Variants in RASAL2 observed in about 807,000 individuals in gnomAD.
RASAL2 encodes RAS protein activator like 2.
RASAL2 carries 58 observed loss-of-function variants against 128.9 expected under a neutral mutation model. That is an observed-to-expected ratio of 0.45 (90% CI 0.36 to 0.56). The LOEUF (loss-of-function observed/expected upper bound fraction) is 0.56. Ranked by LOEUF, RASAL2 falls within the 20% of genes least tolerant of loss-of-function variation. The probability of loss-of-function intolerance (pLI) is 0.00; values close to 1 mark genes in which losing one functional copy is unlikely to be tolerated. For synonymous variants in RASAL2, 561 were observed against 580.8 expected (o/e 0.97, Z 0.49); for missense variants, 1,360 against 1,601.6 (o/e 0.85, Z 2.57).
chr1:178,233,152 G>A (rs1021032113), intron 1 of RASAL2, among the ~76,000 whole-genome samples: 6 of 152,160 alleles, frequency 3.9e-5, no homozygotes, highest in African/African-American at 1.4e-4. Flanking sequence ...CATCTGCTGT[G>A]GTTCAAAGCC....
chr1:178,438,486 C>G (rs542740015), intron 5 of RASAL2, among the ~76,000 whole-genome samples: 1 of 151,936 alleles, frequency 6.6e-6, no homozygotes, highest in East Asian at 2.0e-4. Context: ...TCAATAGATA[C>G]TATAATTATT....
intron 3 of RASAL2, among the ~76,000 whole-genome samples, chr1:178,382,240 A>AT (rs1467867384): frequency 2.0e-5 from 3 of 151,958 alleles, no homozygotes; most frequent in Non-Finnish European, 4.4e-5. Flanking sequence ...TTTTGTTCAC[A>AT]TTTTTTCACC....
chr1:178,203,552 C>A (rs1027222350), intron 1 of RASAL2, among the ~76,000 whole-genome samples: 2 of 152,146 alleles, frequency 1.3e-5, no homozygotes, highest in Admixed American at 6.5e-5. Context: ...TCCACTAGCA[C>A]AATTTTTGCT....
chr1:178,264,155 G>A (rs1342143427), intron 1 of RASAL2, among the ~76,000 whole-genome samples: 3 of 152,124 alleles, frequency 2.0e-5, no homozygotes, highest in African/African-American at 7.2e-5. Flanking sequence ...TTAAAGCAGT[G>A]GATGTACATA....
intron 3 of RASAL2, among the ~76,000 whole-genome samples, chr1:178,319,199 C>G (rs1184009227): frequency 6.6e-6 from 1 of 152,022 alleles, no homozygotes; most frequent in African/African-American, 2.4e-5. Context: ...GAGGGTAACC[C>G]AACCTTTTTC....
chr1:178,100,364 A>G (rs1040023195), intron 1 of RASAL2, among the ~76,000 whole-genome samples: 8 of 146,166 alleles, frequency 5.5e-5, no homozygotes, highest in African/African-American at 2.0e-4. Context: ...ATAAATACAA[A>G]AAAAAAAAAA....
chr1:178,372,216 T>C, intron 3 of RASAL2: 5 of 985,364 alleles, frequency 5.1e-6, no homozygotes, highest in Non-Finnish European at 6.0e-6. Flanking sequence ...TTGTGCTCTG[T>C]ATGGAAAAGT....
chr1:178,456,469 A>G (rs541211890), intron 12 of RASAL2: 1 of 573,862 alleles, frequency 1.7e-6, no homozygotes, highest in East Asian at 2.9e-5. Context: ...TTTTACTTGC[A>G]TAATCCTGAT....
At chr1:178,110,944 GTTT>G (rs1227243070) in intron 1 of RASAL2, among the ~76,000 whole-genome samples, 1 of 151,618 alleles carries the variant, frequency 6.6e-6, no homozygotes, top group Non-Finnish European at 1.5e-5. Flanking sequence ...TTATAGTTGT[GTTT>G]TTTTCTTTTT....
intron 1 of RASAL2, among the ~76,000 whole-genome samples, chr1:178,252,045 T>C (rs1337403773): frequency 6.6e-6 from 1 of 152,144 alleles, no homozygotes; most frequent in Non-Finnish European, 1.5e-5. Context: ...AATTATGTTA[T>C]TTAAGAGAAT....
intron 1 of RASAL2, among the ~76,000 whole-genome samples, chr1:178,131,407 G>GAC (rs1282713543): frequency 9.2e-6 from 1 of 108,122 alleles, no homozygotes; most frequent in Non-Finnish European, 1.9e-5. Context: ...TTTTTGTGGA[G>GAC]ACAGGGTACG....
At chr1:178,448,567 T>G (rs538390446) in intron 9 of RASAL2, among the ~76,000 whole-genome samples, 1 of 152,286 alleles carries the variant, frequency 6.6e-6, no homozygotes, top group South Asian at 2.1e-4. Flanking sequence ...ACAAAGAGGT[T>G]TATAGTGTCA....
At chr1:178,180,975 A>C (rs1037856153) in intron 1 of RASAL2, among the ~76,000 whole-genome samples, 2 of 152,190 alleles carry the variant, frequency 1.3e-5, no homozygotes, top group Non-Finnish European at 2.9e-5. Context: ...ACCTAATGAC[A>C]TAATGCTATT....
At chr1:178,116,837 C>A (rs1659536696) in intron 1 of RASAL2, among the ~76,000 whole-genome samples, 1 of 152,108 alleles carries the variant, frequency 6.6e-6, no homozygotes, top group African/African-American at 2.4e-5. Context: ...ACCTTGATCT[C>A]CTGACCTCGT....
intron 3 of RASAL2, among the ~76,000 whole-genome samples, chr1:178,379,587 A>G (rs999183012): frequency 6.6e-6 from 1 of 152,214 alleles, no homozygotes. Flanking sequence ...TCAGTTTTTC[A>G]TAGCAAGTGA....
chr1:178,101,253 A>G (rs1383431356), intron 1 of RASAL2, among the ~76,000 whole-genome samples: 1 of 152,226 alleles, frequency 6.6e-6, no homozygotes, highest in East Asian at 1.9e-4. Context: ...TTGCTAGACT[A>G]TGATACAGAA....
rs775630955 is a variant in RASAL2 at position 178,439,491 on chromosome 1, G to A, written c.744G>A (p.Val248=). The A allele has an allele frequency of 1.9e-6, 3 of 1,612,724 alleles. No individual in the cohort carries two copies. The South Asian group carries it at 3.3e-5, about 18-fold the overall frequency. The change falls in exon 6 of 18, where the codon GTG becomes GTA. Residue 248 remains valine (V), a synonymous_variant. Coordinates refer to ENST00000367649, the MANE Select transcript of RASAL2 (RefSeq NM_170692.4). ...CCTTGCTGAGCCCATGCAGCACAGTGGAATGTCTGGATCTTGGTAGAGGGG... is the reference window on the plus strand; with the variant it reads ...CCTTGCTGAGCCCATGCAGCACAGTAGAATGTCTGGATCTTGGTAGAGGGG... ...HESLLSPCST[V]ECLDLGRGEP... is the part of the protein sequence containing the mutation.
chr1:178,218,982 CTGT>C (rs985286707), intron 1 of RASAL2, among the ~76,000 whole-genome samples: 1 of 152,182 alleles, frequency 6.6e-6, no homozygotes, highest in Non-Finnish European at 1.5e-5. Flanking sequence ...TGTTGAAAAT[CTGT>C]TGTTTAGTGT....
chr1:178,375,436 A>G (rs576443092), intron 3 of RASAL2, among the ~76,000 whole-genome samples: 7 of 152,286 alleles, frequency 4.6e-5, no homozygotes, highest in Admixed American at 3.9e-4. Context: ...AAGTGATACT[A>G]AAGGGGAAGA....
Sources: allele counts gnomAD v4.1 joint callset (sites outside exome capture counted in the v4.1 genomes callset), GRCh38; gene constraint gnomAD v4.1.1; transcripts MANE v1.5; gene names NCBI Gene and HGNC (gene_info 2026-07-23, HGNC 2026-07-21).